Variants in DCDC1 observed in about 807,000 individuals in gnomAD.
DCDC1 encodes doublecortin domain-containing protein 1.
In DCDC1, 200 loss-of-function variants were observed where a neutral mutation model predicts 178.3. That is an observed-to-expected ratio of 1.12 (90% confidence interval 1.00 to 1.26). DCDC1 has a LOEUF of 1.26. Among genes scored for constraint, DCDC1 ranks in the 50% most tolerant of loss-of-function variants. The probability of loss-of-function intolerance (pLI) is 0.00; values close to 1 mark genes in which losing one functional copy is unlikely to be tolerated. For missense variants in DCDC1, 1,983 were observed against 1,749.2 expected (o/e 1.13, Z -2.38); for synonymous variants, 690 against 604.8 (o/e 1.14, Z -2.07).
intron 9 of DCDC1, among the ~76,000 whole-genome samples, chr11:31,235,436 A>G (rs1976333263): frequency 6.6e-6 from 1 of 151,968 alleles, no homozygotes; most frequent in African/African-American, 2.4e-5. Context: ...TGTTAAGTCA[A>G]TCTGTATCCA....
At chr11:31,275,293 C>A (rs962698003) in intron 7 of DCDC1, among the ~76,000 whole-genome samples, 10 of 152,158 alleles carry the variant, frequency 6.6e-5, no homozygotes, top group South Asian at 2.1e-4. Flanking sequence ...TAAACCAATT[C>A]TTTTTAGTAC....
At chr11:31,076,746 G>A (rs533099984) in intron 18 of DCDC1, among the ~76,000 whole-genome samples, 7 of 152,030 alleles carry the variant, frequency 4.6e-5, no homozygotes, top group Non-Finnish European at 5.9e-5. Flanking sequence ...ATTGGTGTCC[G>A]TGTCTAGGAA....
intron 25 of DCDC1, among the ~76,000 whole-genome samples, chr11:30,920,133 C>T (rs1231292669): frequency 2.6e-5 from 4 of 152,154 alleles, no homozygotes; most frequent in South Asian, 2.1e-4. Flanking sequence ...GACAGCTTGT[C>T]GTTGCTGAGC....
chr11:30,929,656 T>C (rs192944571), intron 22 of DCDC1, among the ~76,000 whole-genome samples: 21 of 152,140 alleles, frequency 1.4e-4, no homozygotes, highest in African/African-American at 5.1e-4. Context: ...GTAATATATA[T>C]ATTGAAATCA....
At chr11:31,086,949 G>A (rs1957518367) in intron 17 of DCDC1, among the ~76,000 whole-genome samples, 1 of 152,080 alleles carries the variant, frequency 6.6e-6, no homozygotes, top group Non-Finnish European at 1.5e-5. Flanking sequence ...ATAAGATTGT[G>A]TAGAATTGGT....
At chr11:31,223,241 T>C (rs1974495104) in intron 9 of DCDC1, among the ~76,000 whole-genome samples, 1 of 152,168 alleles carries the variant, frequency 6.6e-6, no homozygotes, top group South Asian at 2.1e-4. Flanking sequence ...TTATGTACAA[T>C]AGCACATATC....
intron 12 of DCDC1, among the ~76,000 whole-genome samples, chr11:31,108,088 G>A (rs1156583335): frequency 1.3e-5 from 2 of 152,180 alleles, no homozygotes; most frequent in Non-Finnish European, 2.9e-5. Context: ...ACGATTGGCT[G>A]TAAACTCTTG....
At chr11:31,220,134 A>G (rs549671458) in intron 9 of DCDC1, among the ~76,000 whole-genome samples, 3 of 152,318 alleles carry the variant, frequency 2.0e-5, no homozygotes, top group Middle Eastern at 3.4e-3. Context: ...ACCAGTGAAG[A>G]TAATTTTATT....
intron 7 of DCDC1, among the ~76,000 whole-genome samples, chr11:31,289,008 T>G (rs1336575286): frequency 6.6e-6 from 1 of 151,998 alleles, no homozygotes; most frequent in African/African-American, 2.4e-5. Flanking sequence ...AGTTCTATCA[T>G]GAATTTGTGA....
chr11:31,035,333 T>A (rs1428913698), intron 20 of DCDC1, among the ~76,000 whole-genome samples: 2 of 152,234 alleles, frequency 1.3e-5, no homozygotes, highest in Non-Finnish European at 2.9e-5. Flanking sequence ...ATGTCCTTTT[T>A]CTTTTCCAGG....
At chr11:31,059,726 G>T (rs933965307) in intron 20 of DCDC1, among the ~76,000 whole-genome samples, 4 of 151,972 alleles carry the variant, frequency 2.6e-5, no homozygotes, top group Non-Finnish European at 5.9e-5. Context: ...TACAAAAATT[G>T]TGTTAATATT....
intron 9 of DCDC1, among the ~76,000 whole-genome samples, chr11:31,146,098 A>T (rs1964422146): frequency 7.2e-6 from 1 of 139,446 alleles, no homozygotes; most frequent in African/African-American, 2.7e-5. Flanking sequence ...TTTGAGAAGG[A>T]GTCTCGCTCT....
At chr11:31,274,008 C>G (rs1945788344) in intron 7 of DCDC1, among the ~76,000 whole-genome samples, 1 of 152,132 alleles carries the variant, frequency 6.6e-6, no homozygotes, top group Non-Finnish European at 1.5e-5. Context: ...CAATTACCTC[C>G]CACCTGGGTG....
intron 20 of DCDC1, among the ~76,000 whole-genome samples, chr11:31,050,420 C>A (rs1456225197): frequency 1.3e-5 from 2 of 152,166 alleles, no homozygotes; most frequent in African/African-American, 4.8e-5. Context: ...CCCTATCAAC[C>A]CTGATAGTGG....
intron 9 of DCDC1, among the ~76,000 whole-genome samples, chr11:31,180,780 A>C (rs1968688445): frequency 6.6e-6 from 1 of 152,076 alleles, no homozygotes; most frequent in Admixed American, 6.5e-5. Context: ...GCAGCTGTTT[A>C]GGCAGACACT....
At position 31,000,622 on chromosome 11, in the gene DCDC1, G is replaced by C. The variant is rs183013729; in HGVS notation, c.2592-48054C>G. ...ATTCAGGATGTCACTCTTCCCAAGA[G>C]AGAGGGTTTTGATTGCAGAACATGC... On this transcript the variant is annotated intron_variant, in intron 20 of 38. Coordinates refer to ENST00000684477, the MANE Select transcript of DCDC1 (RefSeq NM_001387274.1). Among the ~76,000 whole-genome samples, 641 of 152,196 alleles carry C rather than the reference G, an allele frequency of 4.2e-3. 4 individuals are homozygous for C. The highest frequency in any genetic ancestry group is 0.015 in the African/African-American group (617 of 41,516).
At chr11:31,250,662 AT>A (rs1943961746) in intron 8 of DCDC1, among the ~76,000 whole-genome samples, 1 of 151,712 alleles carries the variant, frequency 6.6e-6, no homozygotes, top group African/African-American at 2.4e-5. Flanking sequence ...AGTACTAGGC[AT>A]TTTTAGAGCA....
At chr11:30,869,550 G>T (rs1419566437) in intron 38 of DCDC1, among the ~76,000 whole-genome samples, 1 of 152,174 alleles carries the variant, frequency 6.6e-6, no homozygotes, top group Non-Finnish European at 1.5e-5. Flanking sequence ...TTGCAGACCA[G>T]TGAGAGAAAG....
At chr11:30,881,534 G>C (rs1942671272) in intron 36 of DCDC1, among the ~76,000 whole-genome samples, 1 of 152,174 alleles carries the variant, frequency 6.6e-6, no homozygotes, top group African/African-American at 2.4e-5. Context: ...TTACCTTGTA[G>C]TTCCGTATTT....
Sources: allele counts gnomAD v4.1 joint callset (sites outside exome capture counted in the v4.1 genomes callset), GRCh38; gene constraint gnomAD v4.1.1; transcripts MANE v1.5; gene names NCBI Gene and HGNC (gene_info 2026-07-23, HGNC 2026-07-21).